The following PGPEP1L variants were observed in gnomAD, a reference collection of about 807,000 sequenced individuals.
PGPEP1L encodes pyroglutamyl-peptidase 1-like protein.
In PGPEP1L, 7 loss-of-function variants were observed where a neutral mutation model predicts 6.0. The ratio of observed to expected loss-of-function variants is 1.17; its 90% CI spans 0.66 to 2.19. The LOEUF (loss-of-function observed/expected upper bound fraction) is 2.19. Among genes scored for constraint, PGPEP1L ranks in the 30% most tolerant of loss-of-function variants. The pLI is 0.00. For missense variants in PGPEP1L, 209 were observed against 192.5 expected (o/e 1.09, Z -0.51); for synonymous variants, 103 against 83.9 (o/e 1.23, Z -1.24).
intron 2 of PGPEP1L, among the ~76,000 whole-genome samples, chr15:99,005,102 A>C (rs1446820502): frequency 6.6e-6 from 1 of 152,108 alleles, no homozygotes; most frequent in South Asian, 2.1e-4. Context: ...GGCCCCACTC[A>C]GGGAAAACAG....
At chr15:98,984,559 A>G (rs2017719306) in intron 2 of PGPEP1L, among the ~76,000 whole-genome samples, 1 of 152,114 alleles carries the variant, frequency 6.6e-6, no homozygotes, top group Non-Finnish European at 1.5e-5. Flanking sequence ...CTATTTCTAT[A>G]TCCGTGTAAT....
intron 2 of PGPEP1L, among the ~76,000 whole-genome samples, chr15:98,992,869 G>C (rs761122457): frequency 3.3e-5 from 5 of 152,178 alleles, no homozygotes; most frequent in Admixed American, 6.5e-5. Flanking sequence ...TTTAATAAAT[G>C]GTGTTGGGAA....
At chr15:99,005,317 T>C (rs2018035648) in intron 2 of PGPEP1L, 112 bp downstream of exon 2, 1 of 152,308 alleles carries the variant, frequency 6.6e-6, no homozygotes, top group Non-Finnish European at 1.5e-5. Context: ...CCAGTTGCCA[T>C]TCTTTTTTTC....
At chr15:98,975,847 C>G (rs948043302) in intron 2 of PGPEP1L, among the ~76,000 whole-genome samples, 1 of 152,086 alleles carries the variant, frequency 6.6e-6, no homozygotes, top group Non-Finnish European at 1.5e-5. Context: ...CGCTACTGCA[C>G]TCCAGCTTGG....
At chr15:98,998,698 C>G (rs1043639573) in intron 2 of PGPEP1L, among the ~76,000 whole-genome samples, 1 of 152,162 alleles carries the variant, frequency 6.6e-6, no homozygotes, top group African/African-American at 2.4e-5. Flanking sequence ...GCAGAAGTAG[C>G]CTGGCATGGT....
At chr15:98,972,355 A>AAAATAAAT (rs34372599) in intron 2 of PGPEP1L, among the ~76,000 whole-genome samples, 10,904 of 144,690 alleles carry the variant, frequency 0.075, 449 homozygotes, top group South Asian at 0.13. Flanking sequence ...CTCCGTCTCA[A>AAAATAAAT]AAATAAATAA....
intron 2 of PGPEP1L, among the ~76,000 whole-genome samples, chr15:98,992,127 G>C (rs1200011430): frequency 6.6e-6 from 1 of 152,076 alleles, no homozygotes; most frequent in African/African-American, 2.4e-5. Context: ...AAGAAATAAA[G>C]GTATTCAAAT....
chr15:98,995,920 T>C (rs781934635), intron 2 of PGPEP1L, among the ~76,000 whole-genome samples: 3 of 152,210 alleles, frequency 2.0e-5, no homozygotes, highest in Non-Finnish European at 4.4e-5. Context: ...AGTAGAATCT[T>C]ACCATATGTA....
chr15:98,968,926 G>C (rs2017447556), intron 4 of PGPEP1L, among the ~76,000 whole-genome samples: 1 of 149,966 alleles, frequency 6.7e-6, no homozygotes, highest in Non-Finnish European at 1.5e-5. Context: ...GGCAGAAAGG[G>C]GTCAGATATT....
At chr15:98,985,750 C>CT (rs1197875790) in intron 2 of PGPEP1L, among the ~76,000 whole-genome samples, 1 of 152,232 alleles carries the variant, frequency 6.6e-6, no homozygotes, top group Non-Finnish European at 1.5e-5. Flanking sequence ...CTGAGCACCC[C>CT]TTTCCTCATC....
chr15:99,007,595 G>GA lies in PGPEP1L; in HGVS notation c.-607_-606insT, dbSNP rs1161278050. 1 of 152,084 alleles carries GA rather than the reference G, an allele frequency of 6.6e-6. No individual in the cohort carries two copies. The highest frequency in any genetic ancestry group is 1.5e-5 in the Non-Finnish European group (1 of 68,018). 9.4% of individuals were successfully genotyped at this position (152,084 alleles called of 1,614,324 possible). A position where few individuals can be genotyped will look rare whatever the true frequency, so the allele number is the denominator to read the frequency against. On this transcript the variant is annotated 5_prime_UTR_variant, in exon 1 of 5. Coordinates refer to ENST00000535714, the MANE Select transcript of PGPEP1L (RefSeq NM_001167902.2). Reference sequence around the variant, plus strand: ...CATGAGTGCTACGGCTCTTAAGGTGGCGTGTTTGGAGTTATTCGTTTCTCC... The same window carrying GA: ...CATGAGTGCTACGGCTCTTAAGGTGGACGTGTTTGGAGTTATTCGTTTCTCC...
chr15:99,001,699 T>TATA (rs35005831), intron 2 of PGPEP1L, among the ~76,000 whole-genome samples: 141,699 of 152,060 alleles, frequency 0.93, 66,052 homozygotes, highest in South Asian at 0.95. Flanking sequence ...ATTTCATTTA[T>TATA]ATATTTGTGT....
rs767615482 is a variant in PGPEP1L at position 98,971,202 on chromosome 15, G to A, written c.-141-44C>T. 2.4e-5 allele frequency: 17 copies of A among 710,032 alleles called. 3 individuals carry two copies. The highest frequency in any genetic ancestry group is 2.9e-5 in the Non-Finnish European group (15 of 522,008). The allele number at this position is 710,032 out of a possible 1,614,324, so 44.0% of individuals were successfully genotyped here. ...GGACTTGCCTCAGTTGATGGGGGGG[G>A]GGGGGGGGTGGGCACCAAGAGTCCC... On this transcript the variant is annotated intron_variant, in intron 2 of 4. Coordinates refer to ENST00000535714, the MANE Select transcript of PGPEP1L (RefSeq NM_001167902.2).
chr15:98,993,988 C>T (rs59120030), intron 2 of PGPEP1L, among the ~76,000 whole-genome samples: 2,136 of 152,256 alleles, frequency 0.014, 65 homozygotes, highest in African/African-American at 0.049. Context: ...CAAATTTTGG[C>T]CTGGCACAGT....
At chr15:98,995,154 CCTT>C (rs2151764126) in intron 2 of PGPEP1L, among the ~76,000 whole-genome samples, 1 of 152,256 alleles carries the variant, frequency 6.6e-6, no homozygotes, top group Admixed American at 6.5e-5. Flanking sequence ...ATTGTTCTCT[CCTT>C]CTGGAACTCC....
intron 2 of PGPEP1L, among the ~76,000 whole-genome samples, chr15:98,986,151 T>C (rs1225974459): frequency 6.6e-6 from 1 of 152,212 alleles, no homozygotes; most frequent in East Asian, 1.9e-4. Flanking sequence ...TTAGCCTGTG[T>C]CCCTAGTTCC....
intron 2 of PGPEP1L, among the ~76,000 whole-genome samples, chr15:98,990,698 A>G (rs1024478294): frequency 6.6e-6 from 1 of 152,220 alleles, no homozygotes; most frequent in Non-Finnish European, 1.5e-5. Context: ...TCTAAAATTG[A>G]CCACATAATT....
chr15:98,969,797 C>T (rs2017466719), intron 3 of PGPEP1L, 146 bp from the exon 4 acceptor site: 12 of 735,438 alleles, frequency 1.6e-5, no homozygotes, highest in Non-Finnish European at 2.7e-5. Context: ...CCCCAGGATC[C>T]CCCACCAGTG....
chr15:98,974,580 C>T (rs1375668039), intron 2 of PGPEP1L, among the ~76,000 whole-genome samples: 1 of 151,964 alleles, frequency 6.6e-6, no homozygotes, highest in Non-Finnish European at 1.5e-5. Context: ...GAGCTGATAC[C>T]AATTCTACTC....
Sources: allele counts gnomAD v4.1 joint callset (sites outside exome capture counted in the v4.1 genomes callset), GRCh38; gene constraint gnomAD v4.1.1; transcripts MANE v1.5; gene names NCBI Gene and HGNC (gene_info 2026-07-23, HGNC 2026-07-21).